JMJD1C: variants seen among roughly 807,000 people sequenced by gnomAD.
JMJD1C encodes jumonji domain-containing protein 1C.
In JMJD1C, 31 loss-of-function variants were observed where a neutral mutation model predicts 245.3. That is an observed-to-expected ratio of 0.13 (90% CI 0.09 to 0.17). The LOEUF (loss-of-function observed/expected upper bound fraction) is 0.17, where lower values mean the gene tolerates loss of function less well. Among genes scored for constraint, JMJD1C ranks in the 10% least tolerant of loss-of-function variants. The probability of loss-of-function intolerance (pLI) is 1.00; values close to 1 mark genes in which losing one functional copy is unlikely to be tolerated. For missense variants in JMJD1C, 2,691 were observed against 3,000.2 expected (o/e 0.90, Z 2.41); for synonymous variants, 1,057 against 1,017.4 (o/e 1.04, Z -0.74).
At position 63,465,734 on chromosome 10, in the gene JMJD1C, C is replaced by T. The variant is rs564100659; in HGVS notation, c.-72G>A. Reference sequence around the variant, plus strand: ...CCGATGAAACCTCACTCCTACCGGCCGCTCATGCTGAGGAGAGCGGACCGG... The same window carrying T: ...CCGATGAAACCTCACTCCTACCGGCTGCTCATGCTGAGGAGAGCGGACCGG... On this transcript the variant is annotated 5_prime_UTR_variant, in exon 1 of 26. Coordinates refer to ENST00000399262, the MANE Select transcript of JMJD1C (RefSeq NM_032776.3). 10 of 1,555,860 alleles carry T rather than the reference C, an allele frequency of 6.4e-6. No homozygotes were observed. Among genetic ancestry groups the T allele is most frequent in the South Asian group, 3.4e-5 (3 of 89,118 alleles).
rs148732307 is a variant in JMJD1C, at chr10:63,314,201, G to C, written c.334-49437C>G. On this transcript the variant is annotated intron_variant, in intron 2 of 25. Coordinates refer to ENST00000399262, the MANE Select transcript of JMJD1C (RefSeq NM_032776.3). ...TGTTCTTTCCCCACTTCATGTTTTT[G>C]TTTGTTTTGTTGAGGATCAGTTGGC... is the stretch of plus-strand genomic sequence containing the variant. Among the ~76,000 whole-genome samples, 104 of 152,260 alleles carry C rather than the reference G, an allele frequency of 6.8e-4. 1 individual carries two copies. Among genetic ancestry groups the C allele is most frequent in the African/African-American group, 2.4e-3 (101 of 41,560 alleles).
rs1231055762 is a variant in JMJD1C, at chr10:63,369,272, G to A, written c.333+11046C>T. The stretch of plus-strand genomic sequence containing the variant: ...AATTCTCGCCTCAGCCTCCCAAGCA[G>A]CTGGTATTATGGAAGTGCACCACCA... On this transcript the variant is annotated intron_variant, in intron 2 of 25. Transcript: ENST00000399262. Among the ~76,000 whole-genome samples, 3 of 151,966 alleles carry A rather than the reference G, an allele frequency of 2.0e-5. No homozygotes were observed. In the East Asian group the frequency reaches 5.8e-4, roughly 29 times the overall value.
chr10:63,456,312 G>A (rs1255623781), intron 1 of JMJD1C, among the ~76,000 whole-genome samples: 1 of 151,988 alleles, frequency 6.6e-6, no homozygotes. Flanking sequence ...CCAAATAATA[G>A]TATAATGTTA....
chr10:63,187,246 TAGGTCC>T (rs1490539164), intron 18 of JMJD1C, among the ~76,000 whole-genome samples: 1 of 152,160 alleles, frequency 6.6e-6, no homozygotes, highest in Admixed American at 6.5e-5. Flanking sequence ...ACTTTAAAAA[TAGGTCC>T]AGGTATTAGT....
intron 20 of JMJD1C, among the ~76,000 whole-genome samples, chr10:63,184,949 A>G (rs938257520): frequency 6.6e-6 from 1 of 152,104 alleles, no homozygotes; most frequent in Non-Finnish European, 1.5e-5. Context: ...GGGAGGTCCT[A>G]AACAGGGTCC....
At chr10:63,351,790 C>A (rs906863161) in intron 2 of JMJD1C, among the ~76,000 whole-genome samples, 1 of 152,090 alleles carries the variant, frequency 6.6e-6, no homozygotes, top group Admixed American at 6.5e-5. Context: ...TAGCACCGAG[C>A]AAATACGGCT....
chr10:63,402,480 G>T lies in JMJD1C; in HGVS notation c.169-21998C>A, dbSNP rs117644537. Among the ~76,000 whole-genome samples the T allele has an allele frequency of 4.1e-4, 62 of 152,240 alleles. No individual in the cohort carries two copies. In the East Asian group the frequency reaches 0.012, roughly 29 times the overall value. ...ACTCATCTGAACAGGATGTTTTTAG[G>T]AATATCATAATGCCTTATCCCCATT... On this transcript the variant is annotated intron_variant, in intron 1 of 25. Coordinates refer to ENST00000399262, the MANE Select transcript of JMJD1C (RefSeq NM_032776.3).
At chr10:63,317,945 A>G (rs904935969) in intron 2 of JMJD1C, among the ~76,000 whole-genome samples, 4 of 152,122 alleles carry the variant, frequency 2.6e-5, no homozygotes, top group African/African-American at 7.2e-5. Context: ...CCAAGGCTCA[A>G]GTGATCCTCC....
chr10:63,214,599 T>C lies in JMJD1C; in HGVS notation c.1568A>G (p.Gln523Arg), dbSNP rs1479553153. The C allele has an allele frequency of 1.2e-6, 2 of 1,614,130 alleles. No individual in the cohort carries two copies. Among genetic ancestry groups the C allele is most frequent in the Non-Finnish European group, 8.5e-7 (1 of 1,180,000 alleles). Reference protein sequence around the residue: ...TNDTNLEKVAQENSSTFGLQT... With the variant: ...TNDTNLEKVARENSSTFGLQT... The stretch of plus-strand genomic sequence containing the variant: ...AAGGCCAAAGGTACTTGAGTTTTCC[T>C]GAGCCACCTTTTCTAAATTAGTGTC... Residue 523 changes from glutamine to arginine, a missense_variant, in exon 8 of 26, where the codon CAG becomes CGG. By Grantham distance (43) the Gln-to-Arg change is conservative. Around this residue, in one of 9 missense-constraint regions of JMJD1C, gnomAD observed 1,562 missense variants for 1,490.7 expected, o/e 1.05. Coordinates refer to ENST00000399262, the MANE Select transcript of JMJD1C (RefSeq NM_032776.3).
intron 3 of JMJD1C, among the ~76,000 whole-genome samples, chr10:63,233,411 T>A (rs1167863484): frequency 6.6e-6 from 1 of 152,006 alleles, no homozygotes; most frequent in Non-Finnish European, 1.5e-5. Context: ...TAAAAAAAAA[T>A]TTTAAACTTC....
At position 63,238,009 on chromosome 10, in the gene JMJD1C, A is replaced by T. The variant is rs1157707941; in HGVS notation, c.448-18026T>A. On this transcript the variant is annotated intron_variant, in intron 3 of 25. Coordinates refer to ENST00000399262, the MANE Select transcript of JMJD1C (RefSeq NM_032776.3). ...CACAGTGAAACCCCGTCTCTACTAAAAAAAAAAAAAAAAAAAAAAAAAAAA... is the reference window on the plus strand; with the variant it reads ...CACAGTGAAACCCCGTCTCTACTAATAAAAAAAAAAAAAAAAAAAAAAAAA... 5.4e-3 allele frequency among the ~76,000 whole-genome samples: 323 copies of T among 60,118 alleles called. 3 individuals are homozygous for T. The highest frequency in any genetic ancestry group is 0.024 in the African/African-American group (303 of 12,628). The allele number at this position is 60,118 out of a possible 152,430, so 39.4% of individuals were successfully genotyped here.
At chr10:63,305,459 C>CCTCTCTCTCTCTCTCTCTCTCTCTCTCT (rs371564275) in intron 2 of JMJD1C, among the ~76,000 whole-genome samples, 5 of 113,022 alleles carry the variant, frequency 4.4e-5, no homozygotes, top group African/African-American at 1.7e-4. Context: ...ACGCTCTGAC[C>CCTCTCTCTCTCTCTCTCTCTCTCTCTCT]CTCTCTCTCT....
chr10:63,484,240 A>ATGGATGGATGGATG (rs1564963367), intron 1 of JMJD1C, among the ~76,000 whole-genome samples: 13 of 12,056 alleles, frequency 1.1e-3, no homozygotes, highest in African/African-American at 1.8e-3. Context: ...ATGGATGGAT[A>ATGGATGGATGGATG]GATAGATAGA....
chr10:63,392,793 C>G (rs1164278286), intron 1 of JMJD1C, among the ~76,000 whole-genome samples: 2 of 134,468 alleles, frequency 1.5e-5, no homozygotes, highest in East Asian at 2.3e-4. Context: ...CCACTGCCCT[C>G]TAGCCTGGTG....
Position 63,396,481 on chromosome 10 carries a change from A to G in JMJD1C, c.169-15999T>C, listed in dbSNP as rs558476707. On this transcript the variant is annotated intron_variant, in intron 1 of 25. Coordinates refer to ENST00000399262, the MANE Select transcript of JMJD1C (RefSeq NM_032776.3). ...ATAGGAGTAAAAGTAGGGGTGAGAA[A>G]GCAGCTATAGAAACGCTGCCAACTT... is the stretch of plus-strand genomic sequence containing the variant. 4.6e-5 allele frequency among the ~76,000 whole-genome samples: 7 copies of G among 152,328 alleles called. No homozygotes were observed. The East Asian group carries it at 1.2e-3, about 25-fold the overall frequency.
chr10:63,420,683 C>A (rs147884029), intron 1 of JMJD1C, among the ~76,000 whole-genome samples: 1 of 141,890 alleles, frequency 7.0e-6, no homozygotes, highest in African/African-American at 2.6e-5. Context: ...CATCTTTGCC[C>A]CAGCCTGGGT....
intron 2 of JMJD1C, among the ~76,000 whole-genome samples, chr10:63,272,075 A>AAG (rs2133835900): frequency 6.6e-6 from 1 of 150,776 alleles, no homozygotes; most frequent in African/African-American, 2.4e-5. Flanking sequence ...TCTGTCTCAA[A>AAG]AAAAAAAAAA....
intron 2 of JMJD1C, among the ~76,000 whole-genome samples, chr10:63,350,286 G>A (rs1231893124): frequency 1.3e-5 from 2 of 151,988 alleles, no homozygotes; most frequent in African/African-American, 4.8e-5. Flanking sequence ...ATACTAAAGG[G>A]TTTATGTTTT....
intron 18 of JMJD1C, 91 bp downstream of exon 18, chr10:63,189,077 C>G: frequency 9.4e-7 from 1 of 1,063,778 alleles, no homozygotes; most frequent in Non-Finnish European, 1.3e-6. Flanking sequence ...CTATTTTTCC[C>G]CCCTCCATTT....
Sources: allele counts gnomAD v4.1 joint callset (sites outside exome capture counted in the v4.1 genomes callset), GRCh38; gene constraint gnomAD v4.1.1; regional missense constraint gnomAD v4.1.1; transcripts MANE v1.5; gene names NCBI Gene and HGNC (gene_info 2026-07-23, HGNC 2026-07-21).